The following TSPAN9 variants were observed in gnomAD, a reference collection of about 807,000 sequenced individuals.
TSPAN9 encodes tetraspanin-9.
In TSPAN9, 16 loss-of-function variants were observed where a neutral mutation model predicts 31.0. The observed-to-expected ratio is 0.52, with a 90% CI of 0.35 to 0.78. TSPAN9 has a LOEUF of 0.78. Among genes scored for constraint, TSPAN9 ranks in the 30% least tolerant of loss-of-function variants. TSPAN9 has a pLI of 0.01. For synonymous variants in TSPAN9, 145 were observed against 121.6 expected, an observed-to-expected ratio of 1.19 and a Z score of -1.27; for missense variants, 272 against 312.5, an observed-to-expected ratio of 0.87 and a Z score of 0.98.
In TSPAN9 at chr12:3,281,297, G is replaced by A. The variant is rs1471143031; in HGVS notation, c.532G>A (p.Gly178Arg). 1.9e-6 allele frequency: 3 copies of A among 1,550,640 alleles called. No homozygotes were observed. The highest frequency in any genetic ancestry group is 2.6e-6 in the Non-Finnish European group (3 of 1,146,738). ...CTGCATGGAGAACTCCCAGGGCTGC[G>A]GGCGCAACGCCACCACGCCTTTGTG... ...RCCMENSQGC[G>R]RNATTPLWRT... The change falls in exon 7 of 9, where the codon GGG (glycine) becomes AGG (arginine). Residue 178 changes from glycine (G) to arginine (R), a missense_variant. Gly to Arg is a moderately radical substitution (Grantham distance 125, BLOSUM62 -2). Coordinates refer to ENST00000011898, the MANE Select transcript of TSPAN9 (RefSeq NM_006675.5).
intron 3 of TSPAN9, among the ~76,000 whole-genome samples, chr12:3,258,506 A>G (rs1435235974): frequency 6.6e-6 from 1 of 152,160 alleles, no homozygotes; most frequent in African/African-American, 2.4e-5. Context: ...TTCTGGCAGC[A>G]ATGAAGAGTG....
chr12:3,211,712 C>A lies in TSPAN9; in HGVS notation c.63+10456C>A, dbSNP rs1021413935. 13 of 1,596,060 alleles carry A rather than the reference C, an allele frequency of 8.1e-6. No individual in the cohort carries two copies. In the African/African-American group the frequency reaches 1.7e-4, roughly 21 times the overall value. On this transcript the variant is annotated intron_variant, in intron 3 of 8. Transcript: ENST00000011898. Reference sequence around the variant, plus strand: ...ACATCCTTCTGTAAGCCTTGCTTTTCCTCCTGTAGGCTGGCAGAGGACAGT... The same window carrying A: ...ACATCCTTCTGTAAGCCTTGCTTTTACTCCTGTAGGCTGGCAGAGGACAGT...
chr12:3,206,141 G>A (rs1166745422), intron 3 of TSPAN9: 4 of 383,506 alleles, frequency 1.0e-5, no homozygotes, highest in Non-Finnish European at 2.1e-5. Flanking sequence ...CTATCTCCAT[G>A]TGCCTGGCTG....
At chr12:3,276,601 C>T (rs1388001845) in intron 3 of TSPAN9, among the ~76,000 whole-genome samples, 1 of 152,242 alleles carries the variant, frequency 6.6e-6, no homozygotes, top group Non-Finnish European at 1.5e-5. Context: ...TCTTCCAAGA[C>T]ACCTTCGCTG....
chr12:3,265,129 C>A (rs2153979420), intron 3 of TSPAN9, among the ~76,000 whole-genome samples: 1 of 152,322 alleles, frequency 6.6e-6, no homozygotes, highest in South Asian at 2.1e-4. Flanking sequence ...GTGCAAGGTA[C>A]CTGCTGAGTA....
At chr12:3,082,115 A>G (rs1462368923) in intron 1 of TSPAN9, among the ~76,000 whole-genome samples, 1 of 152,226 alleles carries the variant, frequency 6.6e-6, no homozygotes, top group Non-Finnish European at 1.5e-5. Context: ...GAAAGATGAC[A>G]GTTCAAAGGA....
At chr12:3,118,434 G>A (rs1381011146) in intron 2 of TSPAN9, among the ~76,000 whole-genome samples, 1 of 151,452 alleles carries the variant, frequency 6.6e-6, no homozygotes, top group Non-Finnish European at 1.5e-5. Context: ...GCTAATTTTT[G>A]TATTTTTGTA....
At chr12:3,138,737 G>C (rs1023637668) in intron 2 of TSPAN9, among the ~76,000 whole-genome samples, 2 of 151,784 alleles carry the variant, frequency 1.3e-5, no homozygotes, top group African/African-American at 4.8e-5. Flanking sequence ...CAAGTGATTC[G>C]CCCACCTTAG....
chr12:3,268,876 G>A (rs1862605726), intron 3 of TSPAN9, among the ~76,000 whole-genome samples: 1 of 113,766 alleles, frequency 8.8e-6, no homozygotes, highest in Non-Finnish European at 1.8e-5. Context: ...TGCCCTCTGT[G>A]CGTTCCTGCA....
chr12:3,098,530 A>T (rs1591627021), intron 2 of TSPAN9, among the ~76,000 whole-genome samples: 1 of 152,172 alleles, frequency 6.6e-6, no homozygotes, highest in East Asian at 1.9e-4. Context: ...GGGCTGAGTG[A>T]CTGCCTGAGA....
intron 2 of TSPAN9, among the ~76,000 whole-genome samples, chr12:3,163,570 G>A (rs1006695169): frequency 6.6e-6 from 1 of 152,124 alleles, no homozygotes; most frequent in African/African-American, 2.4e-5. Context: ...CACATCGTTG[G>A]TGCTGGGTCT....
chr12:3,248,614 G>A (rs1387630143), intron 3 of TSPAN9, among the ~76,000 whole-genome samples: 2 of 91,188 alleles, frequency 2.2e-5, no homozygotes, highest in Admixed American at 1.3e-4. Context: ...TCCTTACAGT[G>A]AGCCTGGGAG....
chr12:3,225,514 C>T (rs1268295894), intron 3 of TSPAN9, among the ~76,000 whole-genome samples: 2 of 152,116 alleles, frequency 1.3e-5, no homozygotes, highest in African/African-American at 2.4e-5. Flanking sequence ...CGTGCAGAAG[C>T]GCTGGTCTGG....
chr12:3,223,119 T>C (rs41423644), intron 3 of TSPAN9, among the ~76,000 whole-genome samples: 9,181 of 152,326 alleles, frequency 0.06, 362 homozygotes, highest in Middle Eastern at 0.082. Context: ...TTTATGCCAC[T>C]GCGGTTTTGC....
At chr12:3,134,826 C>A (rs928638325) in intron 2 of TSPAN9, among the ~76,000 whole-genome samples, 1 of 152,124 alleles carries the variant, frequency 6.6e-6, no homozygotes, top group African/African-American at 2.4e-5. Context: ...CAGGCGATCA[C>A]AGTCCAGGGT....
chr12:3,145,737 G>T (rs1425636316), intron 2 of TSPAN9, among the ~76,000 whole-genome samples: 1 of 152,212 alleles, frequency 6.6e-6, no homozygotes, highest in Admixed American at 6.5e-5. Flanking sequence ...GCTGGCATCC[G>T]CCAAGGTGAT....
At chr12:3,211,168 TTTTATA>T (rs1231589032) in intron 3 of TSPAN9, among the ~76,000 whole-genome samples, 1 of 152,198 alleles carries the variant, frequency 6.6e-6, no homozygotes, top group Non-Finnish European at 1.5e-5. Context: ...AAGCTTTTCT[TTTTATA>T]TTTAAGTCCT....
intron 1 of TSPAN9, among the ~76,000 whole-genome samples, chr12:3,082,416 G>C (rs2098298391): frequency 6.6e-6 from 1 of 152,224 alleles, no homozygotes; most frequent in African/African-American, 2.4e-5. Context: ...CAAATCACCA[G>C]CCAAGAACTT....
At chr12:3,104,842 C>T (rs2098313491) in intron 2 of TSPAN9, among the ~76,000 whole-genome samples, 1 of 152,226 alleles carries the variant, frequency 6.6e-6, no homozygotes, top group African/African-American at 2.4e-5. Context: ...TTAGGTCAGG[C>T]AGGTTCCAAA....
Sources: gnomAD v4.1 joint callset for allele counts (sites outside exome capture counted in the v4.1 genomes callset) on GRCh38, gnomAD v4.1.1 for gene constraint, MANE v1.5 for transcripts, NCBI Gene and HGNC (gene_info 2026-07-23, HGNC 2026-07-21) for gene names.